The following PITPNM2 variants were observed in gnomAD, a reference collection of about 807,000 sequenced individuals.
The protein encoded by PITPNM2 is membrane-associated phosphatidylinositol transfer protein 2.
Under a neutral mutation model 132.2 loss-of-function variants are expected in PITPNM2, and 35 were observed. The observed-to-expected ratio is 0.26, with a 90% confidence interval of 0.20 to 0.35. The LOEUF (loss-of-function observed/expected upper bound fraction) is 0.35. PITPNM2 is among the 10% of genes least tolerant of loss of function. PITPNM2 has a pLI of 1.00. For synonymous variants in PITPNM2, 738 were observed against 799.2 expected (o/e 0.92, Z 1.29); for missense variants, 1,332 against 1,912.0 (o/e 0.70, Z 5.66).
At chr12:123,069,140 C>A (rs2041543028) in intron 2 of PITPNM2, among the ~76,000 whole-genome samples, 1 of 151,828 alleles carries the variant, frequency 6.6e-6, no homozygotes. Flanking sequence ...GTAGAACCAG[C>A]TACTCAGGGG....
intron 1 of PITPNM2, chr12:123,149,863 G>A (rs910206279): frequency 6.6e-6 from 1 of 152,234 alleles, no homozygotes; most frequent in Non-Finnish European, 1.5e-5. Flanking sequence ...TGTGGACAAA[G>A]ACAGATGTTC....
rs1343587605 is a variant in PITPNM2, at chr12:123,099,271, AAACCTCAT to A, written c.-96+11106_-96+11113del. On this transcript the variant is annotated intron_variant, in intron 2 of 25. Transcript: ENST00000320201. The surrounding 1 kb of genome is among the most constrained non-coding windows in gnomAD (Gnocchi z 4.2). ...TATATATCTTTTTTTTTAAAGAATG[AAACCTCAT>A]ACCAGGACTCCCTTTGGAGATGAGG... Among the ~76,000 whole-genome samples the A allele has an allele frequency of 6.6e-6, 1 of 152,126 alleles. No individual in the cohort carries two copies. The highest frequency in any genetic ancestry group is 1.5e-5 in the Non-Finnish European group (1 of 68,028).
At chr12:123,018,293 CTTTTT>C (rs3085478) in intron 3 of PITPNM2, among the ~76,000 whole-genome samples, 1 of 126,330 alleles carries the variant, frequency 7.9e-6, no homozygotes, top group African/African-American at 3.1e-5. Flanking sequence ...TTTTTCTTTT[CTTTTT>C]TTTTTTTTTT....
chr12:123,136,244 G>T (rs1385055054), intron 1 of PITPNM2, among the ~76,000 whole-genome samples: 1 of 151,894 alleles, frequency 6.6e-6, no homozygotes, highest in Non-Finnish European at 1.5e-5. Context: ...AGAGCTTGCA[G>T]TGAGCCGAGA....
In PITPNM2 at chr12:123,004,677, C is replaced by T. The variant is rs916253813; in HGVS notation, c.953-188G>A. On this transcript the variant is annotated intron_variant, in intron 7 of 25. Coordinates refer to ENST00000320201, the MANE Select transcript of PITPNM2 (RefSeq NM_020845.3). The surrounding 1 kb of genome is among the most constrained non-coding windows in gnomAD (Gnocchi z 4.9). ...AGTGGGGAGCGGCCTAGGCTCATCT[C>T]CTGTCCGCCTGGCACAAGGCAGTCA... 11 of 623,408 alleles carry T rather than the reference C, an allele frequency of 1.8e-5. No homozygotes were observed. The African/African-American group carries it at 1.8e-4, about 10-fold the overall frequency. The allele number at this position is 623,408 out of a possible 1,614,324, so 38.6% of individuals were successfully genotyped here. A position where few individuals can be genotyped will look rare whatever the true frequency, so the allele number is the denominator to read the frequency against.
intron 3 of PITPNM2, among the ~76,000 whole-genome samples, chr12:123,021,114 T>C (rs1411465506): frequency 1.3e-5 from 2 of 151,706 alleles, no homozygotes; most frequent in African/African-American, 4.8e-5. Context: ...ACTCAGCCTT[T>C]TCCTGCCCAC....
rs1034486030 is a variant in PITPNM2 at position 122,988,325 on chromosome 12, A to T, written c.2906T>A (p.Ile969Asn). ...RQVMRHDNSS[I>N]LELDGKEVSV... ...CACTTCCTTGCCATCCAGCTCCAAG[A>T]TGCTGGAGTTGTCATGCCTCATGAC... is the stretch of plus-strand genomic sequence containing the variant. Residue 969 changes from isoleucine (I) to asparagine (N), a missense_variant, in exon 20 of 26, where the codon ATC (isoleucine) becomes AAC (asparagine). Coordinates refer to ENST00000320201, the MANE Select transcript of PITPNM2 (RefSeq NM_020845.3). The T allele has an allele frequency of 2.5e-6, 4 of 1,613,356 alleles. No individual in the cohort carries two copies. Among genetic ancestry groups the T allele is most frequent in the Non-Finnish European group, 3.4e-6 (4 of 1,179,952 alleles).
At chr12:123,006,295 A>T (rs978522701) in intron 6 of PITPNM2, among the ~76,000 whole-genome samples, 2 of 151,370 alleles carry the variant, frequency 1.3e-5, no homozygotes, top group African/African-American at 4.9e-5. Context: ...TTGTTTTTTT[A>T]AAAAAAGCTT....
intron 1 of PITPNM2, among the ~76,000 whole-genome samples, chr12:123,125,915 G>T (rs2043130791): frequency 8.5e-6 from 1 of 118,150 alleles, no homozygotes; most frequent in Non-Finnish European, 1.7e-5. Context: ...TGTCACCCAG[G>T]CTGGAGCGCA....
rs2043724157 is a variant in PITPNM2 at position 123,150,731 on chromosome 12, G to A, written c.-200+22C>T. 6.6e-6 allele frequency among the ~76,000 whole-genome samples: 1 copy of A among 150,654 alleles called. No individual in the cohort carries two copies. Among genetic ancestry groups the A allele is most frequent in the Non-Finnish European group, 1.5e-5 (1 of 67,580 alleles). On this transcript the variant is annotated intron_variant, in intron 1 of 25. Coordinates refer to ENST00000320201, the MANE Select transcript of PITPNM2 (RefSeq NM_020845.3). This position sits in a 1 kb window ranked among gnomAD's most constrained non-coding sequence, Gnocchi z 6.0. Reference sequence around the variant, plus strand: ...GCGGGACTCACCGCGGGCCTGCGGAGCGGCCGCCCGGACGCACTCACCCCG... The same window carrying A: ...GCGGGACTCACCGCGGGCCTGCGGAACGGCCGCCCGGACGCACTCACCCCG...
In PITPNM2 at chr12:122,994,291, G is replaced by A. The variant is rs1218746430; in HGVS notation, c.2233+510C>T. ...TACTCTCAGGATTGTGTGGCTCCTG[G>A]AGCTTTGCAGGCTGATCCCAGGGCA... On this transcript the variant is annotated intron_variant, in intron 15 of 25. Coordinates refer to ENST00000320201, the MANE Select transcript of PITPNM2 (RefSeq NM_020845.3). This position sits in a 1 kb window ranked among gnomAD's most constrained non-coding sequence, Gnocchi z 5.4. 6.6e-6 allele frequency among the ~76,000 whole-genome samples: 1 copy of A among 152,254 alleles called. No homozygotes were observed. Among genetic ancestry groups the A allele is most frequent in the East Asian group, 1.9e-4 (1 of 5,202 alleles).
In PITPNM2 at chr12:123,008,445, G is replaced by A. The variant is rs529852357; in HGVS notation, c.643+1405C>T. Among the ~76,000 whole-genome samples, 1 of 152,296 alleles carries A rather than the reference G, an allele frequency of 6.6e-6. No individual in the cohort carries two copies. Among genetic ancestry groups the A allele is most frequent in the South Asian group, 2.1e-4 (1 of 4,828 alleles). ...GTAGGGGACGCCCTGCCCAGGATAG[G>A]GGAGCCCCTCCCAGTCCTGCCCACA... On this transcript the variant is annotated intron_variant, in intron 6 of 25. Coordinates refer to ENST00000320201, the MANE Select transcript of PITPNM2 (RefSeq NM_020845.3). The surrounding 1 kb of genome is among the most constrained non-coding windows in gnomAD (Gnocchi z 4.1).
At chr12:123,055,116 C>A (rs2040981317) in intron 2 of PITPNM2, among the ~76,000 whole-genome samples, 1 of 152,108 alleles carries the variant, frequency 6.6e-6, no homozygotes, top group Non-Finnish European at 1.5e-5. Flanking sequence ...ACTCCAAGGT[C>A]AAAAAATGGT....
At chr12:123,049,556 C>T (rs1388323371) in intron 2 of PITPNM2, among the ~76,000 whole-genome samples, 1 of 152,220 alleles carries the variant, frequency 6.6e-6, no homozygotes, top group Non-Finnish European at 1.5e-5. Context: ...ACAGCTGCTC[C>T]CTCACTCCCT....
rs1202776895 is a variant in PITPNM2, at chr12:123,025,512, C to T, written c.78+9001G>A. Among the ~76,000 whole-genome samples the T allele has an allele frequency of 2.0e-5, 3 of 151,504 alleles. No homozygotes were observed. The South Asian group carries it at 6.2e-4, about 32-fold the overall frequency. ...GCAATGGTGTGATCTTGGCTCACCG[C>T]ATCCTCTGCCTCCCGGGTTCAAGCG... is the stretch of plus-strand genomic sequence containing the variant. On this transcript the variant is annotated intron_variant, in intron 3 of 25. Coordinates refer to ENST00000320201, the MANE Select transcript of PITPNM2 (RefSeq NM_020845.3).
chr12:123,132,569 G>T (rs1323613776), intron 1 of PITPNM2, among the ~76,000 whole-genome samples: 1 of 149,852 alleles, frequency 6.7e-6, no homozygotes, highest in African/African-American at 2.5e-5. Flanking sequence ...AAAATTTAGT[G>T]GCATCAAGGA....
At chr12:123,072,542 T>C (rs1263362399) in intron 2 of PITPNM2, among the ~76,000 whole-genome samples, 2 of 152,194 alleles carry the variant, frequency 1.3e-5, no homozygotes, top group East Asian at 1.9e-4. Context: ...TGACAGAGCA[T>C]GTTCAAGTCC....
At chr12:123,085,754 A>G (rs1417706212) in intron 2 of PITPNM2, among the ~76,000 whole-genome samples, 2 of 152,272 alleles carry the variant, frequency 1.3e-5, no homozygotes, top group Non-Finnish European at 2.9e-5. Flanking sequence ...AGGATGGCCA[A>G]TAACTCCACA....
intron 3 of PITPNM2, among the ~76,000 whole-genome samples, 161 bp from the exon 4 acceptor site, chr12:123,014,203 C>T (rs372451728): frequency 5.3e-5 from 8 of 152,310 alleles, no homozygotes; most frequent in African/African-American, 1.9e-4. Context: ...AATCTATATG[C>T]CAGGGCTTGT....
Sources: allele counts gnomAD v4.1 joint callset (sites outside exome capture counted in the v4.1 genomes callset), GRCh38; gene constraint gnomAD v4.1.1; non-coding constraint Gnocchi (gnomAD v3.1); transcripts MANE v1.5; gene names NCBI Gene and HGNC (gene_info 2026-07-23, HGNC 2026-07-21).